The following SLC20A2 variants were observed in gnomAD, a reference collection of about 807,000 sequenced individuals.
The protein encoded by SLC20A2 is solute carrier family 20 member 2, also known as sodium-dependent phosphate transporter 2.
Under a neutral mutation model 61.0 loss-of-function variants are expected in SLC20A2, and 30 were observed. The ratio of observed to expected loss-of-function variants is 0.49; its 90% CI spans 0.37 to 0.67. SLC20A2 has a LOEUF of 0.67. Among genes scored for constraint, SLC20A2 ranks in the 30% least tolerant of loss-of-function variants. The pLI, the probability that SLC20A2 is intolerant of heterozygous loss-of-function variation, is 0.00. For missense variants in SLC20A2, 626 were observed against 866.4 expected (o/e 0.72, Z 3.48); for synonymous variants, 351 against 353.3 (o/e 0.99, Z 0.07).
upstream of SLC20A2, among the ~76,000 whole-genome samples, chr8:42,505,018 T>C (rs1177524468): frequency 6.6e-6 from 1 of 151,586 alleles, no homozygotes; most frequent in Admixed American, 6.6e-5. Context: ...CTTGGGTAAG[T>C]ATGAAGACGC....
chr8:42,502,156 CCT>C (rs905733578), upstream of SLC20A2: 3 of 150,480 alleles, frequency 2.0e-5, no homozygotes, highest in African/African-American at 7.3e-5. Flanking sequence ...ATGTCATTTT[CCT>C]CTTTTTTTTT....
At chr8:42,432,609 T>C (rs2130978456) in intron 8 of SLC20A2, among the ~76,000 whole-genome samples, 1 of 152,340 alleles carries the variant, frequency 6.6e-6, no homozygotes, top group South Asian at 2.1e-4. Context: ...AGAAATCTTT[T>C]GTGAAAGGAA....
At chr8:42,443,681 C>T (rs1262785850) in intron 6 of SLC20A2, among the ~76,000 whole-genome samples, 5 of 152,158 alleles carry the variant, frequency 3.3e-5, no homozygotes, top group Admixed American at 1.3e-4. Context: ...CAAGTGGGCA[C>T]ACTCTAAACC....
intron 1 of SLC20A2, among the ~76,000 whole-genome samples, chr8:42,494,284 C>T (rs951017959): frequency 5.9e-5 from 9 of 152,088 alleles, no homozygotes; most frequent in African/African-American, 1.7e-4. Flanking sequence ...TTGGACTAGG[C>T]ACTACTTATA....
chr8:42,472,458 T>A lies in SLC20A2; in HGVS notation c.-68A>T. ...TTTAAATAAACAAAGCTTGAGGTTA[T>A]AAACTTCGTAAGGCCAAGAGTTCTT... On this transcript the variant is annotated 5_prime_UTR_variant, in exon 2 of 11. Transcript: ENST00000520262. The surrounding 1 kb of genome is among the most constrained non-coding windows in gnomAD (Gnocchi z 4.1). 1 of 1,430,790 alleles carries A rather than the reference T, an allele frequency of 7.0e-7. No homozygotes were observed. The allele number at this position is 1,430,790 out of a possible 1,614,324, so 88.6% of individuals were successfully genotyped here. A position where few individuals can be genotyped will look rare whatever the true frequency, so the allele number is the denominator to read the frequency against.
chr8:42,526,400 G>A (rs555516718), intron 1 of SLC20A2, among the ~76,000 whole-genome samples: 34 of 152,014 alleles, frequency 2.2e-4, no homozygotes, highest in Middle Eastern at 3.4e-3. Flanking sequence ...CCGGCTGGGT[G>A]TGGTGGCTCA....
intron 1 of SLC20A2, chr8:42,537,645 C>CTGA (rs1586300281): frequency 6.6e-6 from 1 of 152,160 alleles, no homozygotes; most frequent in East Asian, 1.9e-4. Flanking sequence ...TATAAAAAAT[C>CTGA]ATAATCCTCA....
intron 1 of SLC20A2, among the ~76,000 whole-genome samples, chr8:42,525,229 G>C (rs748538113): frequency 9.9e-5 from 15 of 152,212 alleles, no homozygotes; most frequent in South Asian, 4.2e-4. Flanking sequence ...TCTATTTTTC[G>C]TGAGAATGCT....
chr8:42,519,093 C>A (rs1044522919), intron 1 of SLC20A2, among the ~76,000 whole-genome samples: 8 of 152,272 alleles, frequency 5.3e-5, no homozygotes, highest in African/African-American at 1.9e-4. Context: ...AGACGCTGTT[C>A]CTGTTAGTTC....
intron 1 of SLC20A2, among the ~76,000 whole-genome samples, chr8:42,530,473 C>G (rs1812249522): frequency 6.6e-6 from 1 of 152,126 alleles, no homozygotes; most frequent in Non-Finnish European, 1.5e-5. Context: ...AAATTTTACT[C>G]AAATCTTCCC....
chr8:42,448,383 G>C (rs991864838), intron 5 of SLC20A2, among the ~76,000 whole-genome samples: 5 of 152,134 alleles, frequency 3.3e-5, no homozygotes, highest in Non-Finnish European at 7.4e-5. Flanking sequence ...CATTCATGCT[G>C]AGCAGGGCCC....
chr8:42,491,000 C>T (rs1470845536), intron 1 of SLC20A2, among the ~76,000 whole-genome samples: 6 of 152,108 alleles, frequency 3.9e-5, no homozygotes, highest in African/African-American at 1.4e-4. Context: ...TAAAAACAAA[C>T]AAGCAAACAA....
At chr8:42,514,752 T>C (rs532121957) in intron 1 of SLC20A2, among the ~76,000 whole-genome samples, 2 of 148,796 alleles carry the variant, frequency 1.3e-5, no homozygotes, top group Non-Finnish European at 3.0e-5. Context: ...AGTAATACTC[T>C]GTTTGAAAAA....
At chr8:42,457,906 A>G (rs1259463978) in intron 5 of SLC20A2, among the ~76,000 whole-genome samples, 1 of 152,232 alleles carries the variant, frequency 6.6e-6, no homozygotes, top group Admixed American at 6.5e-5. Context: ...ATAAAATATA[A>G]TTAGATATTC....
At chr8:42,432,290 T>G (rs1271078903) in intron 8 of SLC20A2, among the ~76,000 whole-genome samples, 1 of 152,218 alleles carries the variant, frequency 6.6e-6, no homozygotes, top group Non-Finnish European at 1.5e-5. Context: ...AGGAAGCCAC[T>G]GCAGATGTGG....
At chr8:42,424,209 G>A (rs955059958) in intron 10 of SLC20A2, among the ~76,000 whole-genome samples, 2 of 152,068 alleles carry the variant, frequency 1.3e-5, no homozygotes, top group African/African-American at 4.8e-5. Flanking sequence ...AAGACCAAAC[G>A]TGATTAAGGG....
intron 1 of SLC20A2, among the ~76,000 whole-genome samples, chr8:42,477,130 A>C (rs564967460): frequency 5.1e-4 from 77 of 152,332 alleles, no homozygotes; most frequent in African/African-American, 1.3e-3. Context: ...TGGGTACCTC[A>C]ACACGCTTTT....
rs555885989 is a variant in SLC20A2 at position 42,442,242 on chromosome 8, C to T, written c.730+2404G>A. Reference sequence around the variant, plus strand: ...GCCACCATGCCTGGCCCAACTTGTTCTTTTATAGAACATGTTTTTGGTGTC... The same window carrying T: ...GCCACCATGCCTGGCCCAACTTGTTTTTTTATAGAACATGTTTTTGGTGTC... On this transcript the variant is annotated intron_variant, in intron 6 of 10. Coordinates refer to ENST00000520262, the MANE Select transcript of SLC20A2 (RefSeq NM_001257180.2). Among the ~76,000 whole-genome samples the T allele has an allele frequency of 9.2e-5, 14 of 152,280 alleles. No individual in the cohort carries two copies. In the East Asian group the frequency reaches 2.7e-3, roughly 29 times the overall value.
chr8:42,436,758 T>C (rs529947705), intron 8 of SLC20A2, among the ~76,000 whole-genome samples: 1 of 152,360 alleles, frequency 6.6e-6, no homozygotes, highest in African/African-American at 2.4e-5. Context: ...CAGGTCGCAC[T>C]GCCATCCTGG....
Sources: allele counts gnomAD v4.1 joint callset (sites outside exome capture counted in the v4.1 genomes callset), GRCh38; gene constraint gnomAD v4.1.1; non-coding constraint Gnocchi (gnomAD v3.1); transcripts MANE v1.5; gene names NCBI Gene and HGNC (gene_info 2026-07-23, HGNC 2026-07-21).